The following OSBPL1A variants were observed in gnomAD, a reference collection of about 807,000 sequenced individuals.
OSBPL1A encodes oxysterol-binding protein-related protein 1.
OSBPL1A carries 80 observed loss-of-function variants against 137.1 expected under a neutral mutation model. The ratio of observed to expected loss-of-function variants is 0.58; its 90% CI spans 0.49 to 0.70. OSBPL1A has a LOEUF of 0.70. Ranked by LOEUF, OSBPL1A falls within the 30% of genes least tolerant of loss-of-function variation. OSBPL1A has a pLI of 0.00. For synonymous variants in OSBPL1A, 365 were observed against 389.7 expected (o/e 0.94, Z 0.75); for missense variants, 970 against 1,129.4 (o/e 0.86, Z 2.02).
intron 13 of OSBPL1A, among the ~76,000 whole-genome samples, chr18:24,311,709 G>A (rs776205872): frequency 3.9e-5 from 6 of 152,080 alleles, no homozygotes; most frequent in South Asian, 4.1e-4. Context: ...ACAAAATGAC[G>A]GTCTGTTAAC....
intron 1 of OSBPL1A, among the ~76,000 whole-genome samples, chr18:24,397,344 C>G (rs577767036): frequency 1.3e-5 from 2 of 152,256 alleles, no homozygotes; most frequent in Non-Finnish European, 2.9e-5. Context: ...AGCTGAAGAT[C>G]TGGTAGGGGA....
At chr18:24,338,371 T>C (rs146416706) in intron 5 of OSBPL1A, among the ~76,000 whole-genome samples, 15,396 of 151,998 alleles carry the variant, frequency 0.1, 855 homozygotes, top group African/African-American at 0.15. Flanking sequence ...TGAGCCACCG[T>C]GCCCGGCCGA....
chr18:24,374,291 G>A (rs1035478786), intron 2 of OSBPL1A, among the ~76,000 whole-genome samples: 1 of 152,090 alleles, frequency 6.6e-6, no homozygotes, highest in Non-Finnish European at 1.5e-5. Flanking sequence ...CCCACTGAGG[G>A]TGAGGTCATG....
chr18:24,231,622 A>C (rs184520507), intron 16 of OSBPL1A, among the ~76,000 whole-genome samples: 2 of 152,356 alleles, frequency 1.3e-5, no homozygotes, highest in East Asian at 3.9e-4. Flanking sequence ...GTTAGAACTC[A>C]GAATTATTTT....
intron 18 of OSBPL1A, among the ~76,000 whole-genome samples, chr18:24,188,816 AC>A (rs2086817821): frequency 6.6e-6 from 1 of 152,258 alleles, no homozygotes; most frequent in African/African-American, 2.4e-5. Context: ...ACTCGCTGAC[AC>A]AAGGTGTATT....
At chr18:24,222,184 T>C (rs975640050) in intron 17 of OSBPL1A, among the ~76,000 whole-genome samples, 2 of 152,194 alleles carry the variant, frequency 1.3e-5, no homozygotes, top group Non-Finnish European at 2.9e-5. Context: ...CTAATGTATG[T>C]ATTGATCATT....
chr18:24,264,835 G>A (rs1371308422), intron 15 of OSBPL1A, among the ~76,000 whole-genome samples: 3 of 152,148 alleles, frequency 2.0e-5, no homozygotes, highest in Non-Finnish European at 4.4e-5. Flanking sequence ...TTTGGAGGCA[G>A]TTATCCTGGA....
Position 24,165,076 on chromosome 18 carries a change from G to C in OSBPL1A, c.2739C>G (p.Asp913Glu). The C allele has an allele frequency of 1.2e-6, 2 of 1,614,124 alleles. No individual in the cohort carries two copies. The highest frequency in any genetic ancestry group is 1.7e-6 in the Non-Finnish European group (2 of 1,180,022). ...ARKNRSKSEEDWKTRWFHQGP... is the reference protein window; with the variant it reads ...ARKNRSKSEEEWKTRWFHQGP... Reference sequence around the variant, plus strand: ...ACTCAGGCACGCACCTCGTCTTCCAGTCCTCTTCTGACTTGGACCTGTTTT... The same window carrying C: ...ACTCAGGCACGCACCTCGTCTTCCACTCCTCTTCTGACTTGGACCTGTTTT... Residue 913 changes from aspartate to glutamate, a missense_variant, in exon 27 of 28, where the codon GAC becomes GAG. Around this residue, in one of 2 missense-constraint regions of OSBPL1A, gnomAD observed 323 missense variants for 456.8 expected, o/e 0.71. Coordinates refer to ENST00000319481, the MANE Select transcript of OSBPL1A (RefSeq NM_080597.4).
At chr18:24,280,988 G>C in intron 14 of OSBPL1A, 40 bp from the exon 15 acceptor site, 1 of 1,363,538 alleles carries the variant, frequency 7.3e-7, no homozygotes. Context: ...CGGATTTTAA[G>C]GAATCTTAAG....
rs1391792913 is a variant in OSBPL1A, at chr18:24,316,565, T to TA, written c.870+583dup. Among the ~76,000 whole-genome samples, 10 of 152,072 alleles carry TA rather than the reference T, an allele frequency of 6.6e-5. No individual in the cohort carries two copies. In the East Asian group the frequency reaches 1.9e-3, roughly 29 times the overall value. The stretch of plus-strand genomic sequence containing the variant: ...TTAAAACAAAATGTATTACAAGAGA[T>TA]AAAGAGGGCCACAAAACAATAAAAG... On this transcript the variant is annotated intron_variant, in intron 11 of 27. Coordinates refer to ENST00000319481, the MANE Select transcript of OSBPL1A (RefSeq NM_080597.4).
chr18:24,272,051 C>A (rs919763035), intron 15 of OSBPL1A: 1 of 982,650 alleles, frequency 1.0e-6, no homozygotes, highest in South Asian at 4.7e-5. Flanking sequence ...GGCCGCTCCT[C>A]CCCTTCCCCA....
chr18:24,392,162 T>G (rs965946786), intron 1 of OSBPL1A, among the ~76,000 whole-genome samples: 1 of 152,050 alleles, frequency 6.6e-6, no homozygotes, highest in Admixed American at 6.5e-5. Flanking sequence ...AGCCAGCATT[T>G]GTACTCTTTT....
At chr18:24,292,602 A>G (rs538036449) in intron 14 of OSBPL1A, among the ~76,000 whole-genome samples, 114 of 152,294 alleles carry the variant, frequency 7.5e-4, no homozygotes, top group South Asian at 5.8e-3. Flanking sequence ...TACCAAAGAT[A>G]ATCGGCAAAC....
intron 14 of OSBPL1A, among the ~76,000 whole-genome samples, chr18:24,283,954 A>ATG (rs1403978593): frequency 1.3e-5 from 2 of 151,616 alleles, no homozygotes; most frequent in South Asian, 2.1e-4. Context: ...AAATATATAT[A>ATG]TATGTGTGTG....
intron 4 of OSBPL1A, 66 bp downstream of exon 4, chr18:24,366,826 G>A: frequency 6.7e-7 from 1 of 1,492,356 alleles, no homozygotes; most frequent in East Asian, 2.3e-5. Context: ...TTATAACAGA[G>A]AAAACAATGG....
chr18:24,270,543 C>G (rs535827881), intron 15 of OSBPL1A, among the ~76,000 whole-genome samples: 1 of 152,276 alleles, frequency 6.6e-6, no homozygotes, highest in Non-Finnish European at 1.5e-5. Flanking sequence ...CTTTAAAACT[C>G]CAGTCTGGCA....
At chr18:24,205,334 A>C (rs1213765660) in intron 17 of OSBPL1A, among the ~76,000 whole-genome samples, 2 of 152,224 alleles carry the variant, frequency 1.3e-5, no homozygotes, top group African/African-American at 2.4e-5. Context: ...CCCATGAAAC[A>C]ATGCATACAG....
chr18:24,256,290 T>C (rs2089272536), intron 15 of OSBPL1A, among the ~76,000 whole-genome samples: 1 of 152,176 alleles, frequency 6.6e-6, no homozygotes, highest in African/African-American at 2.4e-5. Context: ...CATAAACAAG[T>C]GGGATTTATC....
At position 24,162,554 on chromosome 18, in the gene OSBPL1A, T is replaced by C. The variant is rs1409743691; in HGVS notation, c.*625A>G. On this transcript the variant is annotated 3_prime_UTR_variant, in exon 28 of 28. Transcript: ENST00000319481. ...AAGTAAATTCAGAGCACTAAGTAAA[T>C]GAAATACTTTTCCAGTTTAATTCTT... 2 of 152,234 alleles carry C rather than the reference T, an allele frequency of 1.3e-5. No homozygotes were observed. Among genetic ancestry groups the C allele is most frequent in the East Asian group, 3.8e-4 (2 of 5,204 alleles). 9.4% of individuals were successfully genotyped at this position (152,234 alleles called of 1,614,324 possible).
Sources: allele counts gnomAD v4.1 joint callset (sites outside exome capture counted in the v4.1 genomes callset), GRCh38; gene constraint gnomAD v4.1.1; regional missense constraint gnomAD v4.1.1; transcripts MANE v1.5; gene names NCBI Gene and HGNC (gene_info 2026-07-23, HGNC 2026-07-21).